KLHL29: variants seen among roughly 807,000 people sequenced by gnomAD.
KLHL29 encodes kelch like family member 29.
In KLHL29, 21 loss-of-function variants were observed where a neutral mutation model predicts 80.4. That is an observed-to-expected ratio of 0.26 (90% CI 0.19 to 0.38). The LOEUF is 0.38. Among genes scored for constraint, KLHL29 ranks in the 10% least tolerant of loss-of-function variants. The pLI is 1.00. For missense variants in KLHL29, 867 were observed against 1,223.9 expected, an observed-to-expected ratio of 0.71 and a Z score of 4.35; for synonymous variants, 511 against 526.8, an observed-to-expected ratio of 0.97 and a Z score of 0.41.
intron 2 of KLHL29, among the ~76,000 whole-genome samples, chr2:23,553,367 T>C (rs1200574693): frequency 6.6e-6 from 1 of 152,174 alleles, no homozygotes; most frequent in Non-Finnish European, 1.5e-5. Flanking sequence ...TAAAAATAAA[T>C]CCACACCTTA....
intron 1 of KLHL29, among the ~76,000 whole-genome samples, chr2:23,395,326 A>G (rs1666423599): frequency 6.6e-6 from 1 of 152,098 alleles, no homozygotes; most frequent in Non-Finnish European, 1.5e-5. Context: ...GCTGCTATTG[A>G]TTTGTCTCTC....
intron 3 of KLHL29, among the ~76,000 whole-genome samples, chr2:23,576,556 G>A (rs1420140328): frequency 6.6e-6 from 1 of 152,270 alleles, no homozygotes; most frequent in African/African-American, 2.4e-5. Context: ...AATAATTGAG[G>A]AAGAAACTGG....
At chr2:23,524,146 G>C in intron 2 of KLHL29, 1 of 427,294 alleles carries the variant, frequency 2.3e-6, no homozygotes, top group South Asian at 1.7e-5. Flanking sequence ...TCTCGGAAAA[G>C]GAAGCCGATG....
intron 3 of KLHL29, among the ~76,000 whole-genome samples, chr2:23,605,305 C>T (rs1331542730): frequency 6.6e-6 from 1 of 151,882 alleles, no homozygotes; most frequent in Non-Finnish European, 1.5e-5. Context: ...ACTATACTGC[C>T]CAGGCTGGTC....
chr2:23,691,415 CTTT>C, intron 6 of KLHL29: 1 of 544,900 alleles, frequency 1.8e-6, no homozygotes, highest in Non-Finnish European at 3.3e-6. Context: ...ATAGCTCATG[CTTT>C]TTGATTTGCA....
At position 23,385,576 on chromosome 2, in the gene KLHL29, G is replaced by A; in HGVS notation, c.-358G>A. ...CCTGGGCTGCCGGGAGGCGGCGGCGGCGGAGGAGGAGGAGGAACGAGGGGA... is the reference window on the plus strand; with the variant it reads ...CCTGGGCTGCCGGGAGGCGGCGGCGACGGAGGAGGAGGAGGAACGAGGGGA... On this transcript the variant is annotated 5_prime_UTR_variant, in exon 1 of 14. Transcript: ENST00000486442. 1 of 171,566 alleles carries A rather than the reference G, an allele frequency of 5.8e-6. No individual in the cohort carries two copies. The highest frequency in any genetic ancestry group is 1.4e-5 in the Non-Finnish European group (1 of 71,742). The allele number at this position is 171,566 out of a possible 1,614,324, so 10.6% of individuals were successfully genotyped here. A position where few individuals can be genotyped will look rare whatever the true frequency, so the allele number is the denominator to read the frequency against.
At chr2:23,663,152 C>A (rs1670461559) in intron 5 of KLHL29, among the ~76,000 whole-genome samples, 1 of 152,218 alleles carries the variant, frequency 6.6e-6, no homozygotes, top group Non-Finnish European at 1.5e-5. Flanking sequence ...CTACTCCCAG[C>A]CCCCAAACCC....
Position 23,691,785 on chromosome 2 carries a change from G to A in KLHL29, c.1191G>A (p.Leu397=). Residue 397 remains leucine (L), a synonymous_variant, in exon 7 of 14, where the codon CTG becomes CTA. Coordinates refer to ENST00000486442, the MANE Select transcript of KLHL29 (RefSeq NM_052920.2). ...TGGAGTTTGTCTACACGGGCTCCCT[G>A]GTCATCGACTCGGCCAACGCCAAGA... The part of the protein sequence containing the change: ...LLLEFVYTGS[L]VIDSANAKTL... 1 of 1,551,704 alleles carries A rather than the reference G, an allele frequency of 6.4e-7. No individual in the cohort carries two copies. The highest frequency in any genetic ancestry group is 1.7e-4 in the Middle Eastern group (1 of 5,992).
intron 2 of KLHL29, among the ~76,000 whole-genome samples, chr2:23,560,919 G>A (rs1667429832): frequency 6.6e-6 from 1 of 152,258 alleles, no homozygotes; most frequent in African/African-American, 2.4e-5. Context: ...TTAAAATAAA[G>A]TGGCCCGTCT....
chr2:23,619,281 G>A (rs548066561), intron 3 of KLHL29, among the ~76,000 whole-genome samples: 163 of 152,318 alleles, frequency 1.1e-3, no homozygotes, highest in Admixed American at 3.7e-3. Context: ...GGTCTTCTGC[G>A]GGGCTGGATC....
intron 2 of KLHL29, among the ~76,000 whole-genome samples, chr2:23,508,309 A>G (rs1479889098): frequency 2.0e-5 from 3 of 152,256 alleles, no homozygotes. Flanking sequence ...CTCAGCTGGG[A>G]ACACTCACAG....
At chr2:23,634,432 G>A (rs562583426) in intron 3 of KLHL29, among the ~76,000 whole-genome samples, 14 of 152,282 alleles carry the variant, frequency 9.2e-5, no homozygotes, top group South Asian at 2.1e-4. Flanking sequence ...CTGCCAGATC[G>A]AATCCTGCCT....
intron 3 of KLHL29, among the ~76,000 whole-genome samples, chr2:23,586,910 G>A (rs955733564): frequency 2.0e-5 from 3 of 152,170 alleles, no homozygotes; most frequent in Non-Finnish European, 4.4e-5. Context: ...AAACAGCAGG[G>A]AGTATCTCGC....
At chr2:23,703,518 G>A (rs1247411663) in intron 12 of KLHL29, 139 bp downstream of exon 12, 13 of 1,066,184 alleles carry the variant, frequency 1.2e-5, no homozygotes, top group South Asian at 3.4e-5. Context: ...AGGAGTTGCC[G>A]AGCCCCCAGC....
At chr2:23,533,481 G>T (rs762995451) in intron 2 of KLHL29, among the ~76,000 whole-genome samples, 40 of 152,164 alleles carry the variant, frequency 2.6e-4, no homozygotes, top group Admixed American at 5.2e-4. Context: ...CCTCTGCCGG[G>T]AGTGAAGCAG....
intron 2 of KLHL29, among the ~76,000 whole-genome samples, chr2:23,528,490 T>C: frequency 6.6e-6 from 1 of 152,156 alleles, no homozygotes; most frequent in East Asian, 1.9e-4. Flanking sequence ...CCTGCAGCCC[T>C]TATAAGGTGG....
chr2:23,679,822 A>T (rs541662165), intron 5 of KLHL29, among the ~76,000 whole-genome samples: 116 of 152,126 alleles, frequency 7.6e-4, no homozygotes, highest in African/African-American at 2.7e-3. Context: ...AAAGAGGCCC[A>T]GGACAAAATA....
chr2:23,647,731 G>A lies in KLHL29; in HGVS notation c.940+4881G>A, dbSNP rs373934972. On this transcript the variant is annotated intron_variant, in intron 5 of 13. Transcript: ENST00000486442. The surrounding 1 kb of genome is among the most constrained non-coding windows in gnomAD (Gnocchi z 4.9). Reference sequence around the variant, plus strand: ...TGGGGACAACGGCCAGCGCTGACTCGGTGCTTGCCACCACTTCATCCTTTG... The same window carrying A: ...TGGGGACAACGGCCAGCGCTGACTCAGTGCTTGCCACCACTTCATCCTTTG... Among the ~76,000 whole-genome samples the A allele has an allele frequency of 1.1e-4, 16 of 152,036 alleles. No homozygotes were observed. The highest frequency in any genetic ancestry group is 1.7e-4 in the African/African-American group (7 of 41,482).
intron 3 of KLHL29, among the ~76,000 whole-genome samples, chr2:23,581,453 C>G (rs1238903740): frequency 2.0e-5 from 3 of 152,232 alleles, no homozygotes; most frequent in African/African-American, 4.8e-5. Flanking sequence ...GGAGTGTGCG[C>G]TGAGTCCCAG....
Sources: allele counts gnomAD v4.1 joint callset (sites outside exome capture counted in the v4.1 genomes callset), GRCh38; gene constraint gnomAD v4.1.1; non-coding constraint Gnocchi (gnomAD v3.1); transcripts MANE v1.5; gene names NCBI Gene and HGNC (gene_info 2026-07-23, HGNC 2026-07-21).